SBK3: variants seen among roughly 807,000 people sequenced by gnomAD.
The protein encoded by SBK3 is uncharacterized serine/threonine-protein kinase SBK3.
Under a neutral mutation model 12.7 loss-of-function variants are expected in SBK3, and 16 were observed. That is an observed-to-expected ratio of 1.26 (90% CI 0.86 to 1.92). The LOEUF (loss-of-function observed/expected upper bound fraction) is 1.92. Ranked by LOEUF, SBK3 falls within the 40% of genes most tolerant of loss-of-function variation. The pLI, the probability that SBK3 is intolerant of heterozygous loss-of-function variation, is 0.00. For synonymous variants in SBK3, 217 were observed against 213.6 expected (o/e 1.02, Z -0.14); for missense variants, 462 against 481.8 (o/e 0.96, Z 0.38).
chr19:55,545,418 CCTCT>C lies in SBK3; in HGVS notation c.45+77_45+80del. On this transcript the variant is annotated intron_variant, in intron 1 of 3. Coordinates refer to ENST00000612221, the MANE Select transcript of SBK3 (RefSeq NM_001199824.2). This position sits in a 1 kb window ranked among gnomAD's most constrained non-coding sequence, Gnocchi z 4.4. ...CGTTTCCCTGTTTTCTGTTTCTCTT[CCTCT>C]CTCTCCCCGTGTTGCCTCCTGCCTC... The C allele has an allele frequency of 8.7e-7, 1 of 1,151,442 alleles. No homozygotes were observed. The allele number at this position is 1,151,442 out of a possible 1,614,324, so 71.3% of individuals were successfully genotyped here. A position where few individuals can be genotyped will look rare whatever the true frequency, so the allele number is the denominator to read the frequency against.
Position 55,545,486 on chromosome 19 carries a change from T to G in SBK3, c.45+13A>C. 1 of 1,529,090 alleles carries G rather than the reference T, an allele frequency of 6.5e-7. No individual in the cohort carries two copies. The highest frequency in any genetic ancestry group is 8.8e-7 in the Non-Finnish European group (1 of 1,141,170). 94.7% of individuals were successfully genotyped at this position (1,529,090 alleles called of 1,614,324 possible). Reference sequence around the variant, plus strand: ...TCTCTCTCTGTCTTCCTCCCCTGGCTCCCGTCTCTCACCTCTGGGTCCCCA... The same window carrying G: ...TCTCTCTCTGTCTTCCTCCCCTGGCGCCCGTCTCTCACCTCTGGGTCCCCA... On this transcript the variant is annotated intron_variant, in intron 1 of 3. Transcript: ENST00000612221. This position sits in a 1 kb window ranked among gnomAD's most constrained non-coding sequence, Gnocchi z 4.4.
In SBK3 at chr19:55,541,303, A is replaced by G; in HGVS notation, c.623T>C (p.Leu208Pro). 2 of 1,535,568 alleles carry G rather than the reference A, an allele frequency of 1.3e-6. No homozygotes were observed. The highest frequency in any genetic ancestry group is 1.2e-5 in the South Asian group (1 of 84,024). Residue 208 changes from leucine (L) to proline (P), a missense_variant, in exon 4 of 4, where the codon CTC (leucine) becomes CCC (proline). Transcript: ENST00000612221. This position sits in a 1 kb window ranked among gnomAD's most constrained non-coding sequence, Gnocchi z 5.3. ...PVPLPTAPPE[L>P]CLLLPPDTLP... Reference sequence around the variant, plus strand: ...GGTGTCGGGCGGTAGCAGGAGACAGAGCTCAGGCGGTGCCGTGGGCAGAGG... The same window carrying G: ...GGTGTCGGGCGGTAGCAGGAGACAGGGCTCAGGCGGTGCCGTGGGCAGAGG...
chr19:55,544,259 C>G lies in SBK3; in HGVS notation c.240G>C (p.Leu80=), dbSNP rs1332189578. 6.5e-7 allele frequency: 1 copy of G among 1,536,032 alleles called. No homozygotes were observed. Among genetic ancestry groups the G allele is most frequent in the Admixed American group, 2.0e-5 (1 of 50,996 alleles). The change falls in exon 3 of 4, where the codon CTG becomes CTC. Residue 80 remains leucine (L), a synonymous_variant. Transcript: ENST00000612221. ...AGAACTCCCTCAGGAAGGTGCTTCT[C>G]AGGACCAAATCCCGACGCAGGAGCT... is the stretch of plus-strand genomic sequence containing the variant. ...ALKLLRRDLV[L]RSTFLREFCV... is the part of the protein sequence containing the mutation.
chr19:55,540,943 T>A lies in SBK3; in HGVS notation c.983A>T (p.Asp328Val). 1 of 1,536,062 alleles carries A rather than the reference T, an allele frequency of 6.5e-7. No individual in the cohort carries two copies. The highest frequency in any genetic ancestry group is 8.7e-7 in the Non-Finnish European group (1 of 1,146,858). ...GVLGSAVSYE[D>V]REEGGSSLEE... ...CAGGCTTGAGCCTCCCTCCTCCCTG[T>A]CCTCATAGGACACGGCGCTCCCCAA... The change falls in exon 4 of 4, where the codon GAC becomes GTC. Residue 328 changes from aspartate to valine, a missense_variant. Transcript: ENST00000612221.
At position 55,545,007 on chromosome 19, in the gene SBK3, G is replaced by C. The variant is rs1988643157; in HGVS notation, c.46-58C>G. The C allele has an allele frequency of 7.3e-7, 1 of 1,363,634 alleles. No individual in the cohort carries two copies. Among genetic ancestry groups the C allele is most frequent in the South Asian group, 1.4e-5 (1 of 73,396 alleles). 84.5% of individuals were successfully genotyped at this position (1,363,634 alleles called of 1,614,324 possible). A position where few individuals can be genotyped will look rare whatever the true frequency, so the allele number is the denominator to read the frequency against. On this transcript the variant is annotated intron_variant, in intron 1 of 3. Transcript: ENST00000612221. The surrounding 1 kb of genome is among the most constrained non-coding windows in gnomAD (Gnocchi z 4.4). ...CGTCTGGGGTCCACTGAGAGTGGTG[G>C]GGGAGGAGGTCACGGCGCAGCCCCA...
Position 55,541,607 on chromosome 19 carries a change from T to G in SBK3, c.400-81A>C. ...GTTGTCCAGGCTGGTCTCAAACTCC[T>G]GGCCTCAAGCGATCCTCCTGCCTTG... On this transcript the variant is annotated intron_variant, in intron 3 of 3. Transcript: ENST00000612221. The surrounding 1 kb of genome is among the most constrained non-coding windows in gnomAD (Gnocchi z 5.3). The G allele has an allele frequency of 8.4e-7, 1 of 1,195,890 alleles. No homozygotes were observed. Among genetic ancestry groups the G allele is most frequent in the Non-Finnish European group, 1.1e-6 (1 of 878,132 alleles). The allele number at this position is 1,195,890 out of a possible 1,614,324, so 74.1% of individuals were successfully genotyped here. A position where few individuals can be genotyped will look rare whatever the true frequency, so the allele number is the denominator to read the frequency against.
intron 2 of SBK3, 70 bp downstream of exon 2, chr19:55,544,729 G>C (rs1988633838): frequency 7.1e-7 from 1 of 1,405,578 alleles, no homozygotes; most frequent in Non-Finnish European, 9.4e-7. Context: ...AATGCCCCCT[G>C]TCTGGGTGGC....
intron 2 of SBK3, 74 bp downstream of exon 2, chr19:55,544,725 C>T: frequency 2.2e-6 from 3 of 1,384,844 alleles, no homozygotes; most frequent in South Asian, 3.0e-5. Context: ...TGGGAATGCC[C>T]CCTGTCTGGG....
rs1988653815 is a variant in SBK3 at position 55,545,432 on chromosome 19, T to A, written c.45+67A>T. On this transcript the variant is annotated intron_variant, in intron 1 of 3. Coordinates refer to ENST00000612221, the MANE Select transcript of SBK3 (RefSeq NM_001199824.2). The surrounding 1 kb of genome is among the most constrained non-coding windows in gnomAD (Gnocchi z 4.4). ...CTGTTTCTCTTCCTCTCTCTCCCCG[T>A]GTTGCCTCCTGCCTCTCTCTCCTTC... The A allele has an allele frequency of 7.9e-7, 1 of 1,271,900 alleles. No individual in the cohort carries two copies. Among genetic ancestry groups the A allele is most frequent in the African/African-American group, 1.5e-5 (1 of 67,260 alleles). 78.8% of individuals were successfully genotyped at this position (1,271,900 alleles called of 1,614,324 possible). A position where few individuals can be genotyped will look rare whatever the true frequency, so the allele number is the denominator to read the frequency against.
At chr19:55,542,289 A>G (rs185588709) in intron 3 of SBK3, among the ~76,000 whole-genome samples, 34 of 152,192 alleles carry the variant, frequency 2.2e-4, no homozygotes, top group African/African-American at 7.9e-4. Context: ...TTAATATCCA[A>G]CATCCATATA....
At chr19:55,543,092 T>C (rs1158328424) in intron 3 of SBK3, among the ~76,000 whole-genome samples, 1 of 126,224 alleles carries the variant, frequency 7.9e-6, no homozygotes, top group Admixed American at 8.5e-5. Flanking sequence ...AAACCTTTCA[T>C]CCATCCATCC....
chr19:55,545,457 C>T lies in SBK3; in HGVS notation c.45+42G>A, dbSNP rs549052139. The stretch of plus-strand genomic sequence containing the variant: ...TGTTGCCTCCTGCCTCTCTCTCCTT[C>T]TTTTCTCTCTCTGTCTTCCTCCCCT... On this transcript the variant is annotated intron_variant, in intron 1 of 3. Coordinates refer to ENST00000612221, the MANE Select transcript of SBK3 (RefSeq NM_001199824.2). The surrounding 1 kb of genome is among the most constrained non-coding windows in gnomAD (Gnocchi z 4.4). 1 of 1,472,074 alleles carries T rather than the reference C, an allele frequency of 6.8e-7. No homozygotes were observed. Among genetic ancestry groups the T allele is most frequent in the East Asian group, 2.5e-5 (1 of 40,488 alleles). The allele number at this position is 1,472,074 out of a possible 1,614,324, so 91.2% of individuals were successfully genotyped here. A position where few individuals can be genotyped will look rare whatever the true frequency, so the allele number is the denominator to read the frequency against.
chr19:55,542,813 G>GATCCATCCATCC (rs775579408), intron 3 of SBK3, among the ~76,000 whole-genome samples: 21 of 63,718 alleles, frequency 3.3e-4, no homozygotes, highest in South Asian at 1.8e-3. Context: ...TCCTTCTATC[G>GATCCATCCATCC]ATCCATCCAT....
Position 55,542,907 on chromosome 19 carries a change from C to G in SBK3, c.399+1193G>C, listed in dbSNP as rs182978225. Among the ~76,000 whole-genome samples the G allele has an allele frequency of 1.4e-3, 202 of 141,858 alleles. 1 individual carries two copies. The highest frequency in any genetic ancestry group is 5.1e-3 in the African/African-American group (196 of 38,240). The allele number at this position is 141,858 out of a possible 152,430, so 93.1% of individuals were successfully genotyped here. A position where few individuals can be genotyped will look rare whatever the true frequency, so the allele number is the denominator to read the frequency against. The stretch of plus-strand genomic sequence containing the variant: ...ACCAATCCTTTCATCCATCCATCCA[C>G]CCCTCCATCTACCCACCCACCCATC... On this transcript the variant is annotated intron_variant, in intron 3 of 3. Coordinates refer to ENST00000612221, the MANE Select transcript of SBK3 (RefSeq NM_001199824.2).
chr19:55,543,030 C>T (rs1436260178), intron 3 of SBK3, among the ~76,000 whole-genome samples: 1 of 107,028 alleles, frequency 9.3e-6, no homozygotes, highest in Non-Finnish European at 1.9e-5. Flanking sequence ...CCAATCCTTT[C>T]ATCCACCCAC....
At chr19:55,544,662 A>C (rs1364655141) in intron 2 of SBK3, 137 bp downstream of exon 2, 1 of 869,906 alleles carries the variant, frequency 1.1e-6, no homozygotes, top group Non-Finnish European at 1.7e-6. Context: ...AAGATCCCAG[A>C]GCTCTTAACT....
chr19:55,542,443 CCACT>C (rs1032586485), intron 3 of SBK3, among the ~76,000 whole-genome samples: 2 of 139,878 alleles, frequency 1.4e-5, no homozygotes, highest in African/African-American at 5.3e-5. Flanking sequence ...CATCCATCCA[CCACT>C]CACTCACCCA....
In SBK3 at chr19:55,541,571, G is replaced by T. The variant is rs61133094; in HGVS notation, c.400-45C>A. ...AGGAGGGTCAGAGTGTCTTGGTTTT[G>T]TCTTTTTTATGTTGTCCAGGCTGGT... is the stretch of plus-strand genomic sequence containing the variant. On this transcript the variant is annotated intron_variant, in intron 3 of 3. Coordinates refer to ENST00000612221, the MANE Select transcript of SBK3 (RefSeq NM_001199824.2). This position sits in a 1 kb window ranked among gnomAD's most constrained non-coding sequence, Gnocchi z 5.3. 1 of 1,428,472 alleles carries T rather than the reference G, an allele frequency of 7.0e-7. No individual in the cohort carries two copies. Among genetic ancestry groups the T allele is most frequent in the Non-Finnish European group, 9.3e-7 (1 of 1,078,272 alleles). The allele number at this position is 1,428,472 out of a possible 1,614,324, so 88.5% of individuals were successfully genotyped here.
At chr19:55,543,434 A>G in intron 3 of SBK3, among the ~76,000 whole-genome samples, 1 of 148,402 alleles carries the variant, frequency 6.7e-6, no homozygotes, top group African/African-American at 2.5e-5. Context: ...CCATCCTTCC[A>G]TCCTTCTAAT....
Sources: gnomAD v4.1 joint callset for allele counts (sites outside exome capture counted in the v4.1 genomes callset) on GRCh38, gnomAD v4.1.1 for gene constraint, Gnocchi (gnomAD v3.1) non-coding constraint, MANE v1.5 for transcripts, NCBI Gene and HGNC (gene_info 2026-07-23, HGNC 2026-07-21) for gene names.